Variants in GDAP1 observed in about 807,000 individuals in gnomAD.
GDAP1 encodes the protein ganglioside induced differentiation associated protein 1, also known as ganglioside-induced differentiation-associated protein 1.
A neutral mutation model predicts 40.1 loss-of-function variants in GDAP1; 34 were observed. That is an observed-to-expected ratio of 0.85 (90% CI 0.64 to 1.13). The LOEUF is 1.13. Ranked by LOEUF, GDAP1 falls within the 50% of genes most tolerant of loss-of-function variation. GDAP1 has a pLI of 0.00. For synonymous variants in GDAP1, 170 were observed against 157.4 expected, an observed-to-expected ratio of 1.08 and a Z score of -0.60; for missense variants, 374 against 433.7, an observed-to-expected ratio of 0.86 and a Z score of 1.22.
chr8:74,360,245 G>T lies in GDAP1; in HGVS notation c.419G>T (p.Cys140Phe), dbSNP rs1375032292. The change falls in exon 3 of 6, where the codon TGC becomes TTC. Residue 140 changes from cysteine (C) to phenylalanine (F), a missense_variant. Cys to Phe is a radical substitution (Grantham distance 205). Transcript: ENST00000220822. ...SLPMDAYTHG[C>F]ILHPELTVDS... Reference sequence around the variant, plus strand: ...CCAATGGATGCCTATACACATGGCTGCATTTTACATCCTGAGTTAACTGTG... The same window carrying T: ...CCAATGGATGCCTATACACATGGCTTCATTTTACATCCTGAGTTAACTGTG... The T allele has an allele frequency of 2.5e-6, 4 of 1,613,402 alleles. No individual in the cohort carries two copies. Among genetic ancestry groups the T allele is most frequent in the Non-Finnish European group, 3.4e-6 (4 of 1,179,468 alleles).
At chr8:74,434,049 C>A (rs1806059315) in intron 2 of GDAP1, among the ~76,000 whole-genome samples, 1 of 152,204 alleles carries the variant, frequency 6.6e-6, no homozygotes, top group South Asian at 2.1e-4. Flanking sequence ...CCTTTGCCTA[C>A]AGTAAACATG....
chr8:74,391,773 T>C (rs1257501525), intron 2 of GDAP1, among the ~76,000 whole-genome samples: 1 of 152,116 alleles, frequency 6.6e-6, no homozygotes, highest in Non-Finnish European at 1.5e-5. Flanking sequence ...TATATAAAGG[T>C]ACATCTGTTA....
intron 2 of GDAP1, among the ~76,000 whole-genome samples, chr8:74,356,564 C>G (rs944430688): frequency 2.6e-5 from 4 of 151,296 alleles, no homozygotes; most frequent in African/African-American, 9.7e-5. Flanking sequence ...TTTGCTCTTT[C>G]TAGTTCAAGA....
Position 74,462,891 on chromosome 8 carries a change from A to G in GDAP1, c.166-25787A>G, listed in dbSNP as rs146218057. ...GACAAGGACGTAAGTTGAAATCAAT[A>G]CAAATACAAAACCTGATGAATTGTT... On this transcript the variant is annotated intron_variant, in intron 2 of 2. Transcript: ENST00000523640. Among the ~76,000 whole-genome samples the G allele has an allele frequency of 4.4e-3, 664 of 151,816 alleles. 4 individuals carry two copies. Among genetic ancestry groups the G allele is most frequent in the African/African-American group, 0.014 (581 of 41,390 alleles).
At chr8:74,401,150 T>C (rs1356016796) in intron 2 of GDAP1, among the ~76,000 whole-genome samples, 1 of 149,248 alleles carries the variant, frequency 6.7e-6, no homozygotes, top group Non-Finnish European at 1.5e-5. Context: ...CAGAGTGTTT[T>C]CCAACTTGGT....
intron 2 of GDAP1, among the ~76,000 whole-genome samples, chr8:74,398,969 T>A (rs1323462967): frequency 4.6e-5 from 7 of 152,256 alleles, no homozygotes; most frequent in South Asian, 2.1e-4. Flanking sequence ...TATTGAGGAT[T>A]TTTGCATCAA....
chr8:74,433,377 A>G (rs1341825977), intron 2 of GDAP1, among the ~76,000 whole-genome samples: 1 of 152,218 alleles, frequency 6.6e-6, no homozygotes, highest in African/African-American at 2.4e-5. Flanking sequence ...GTTTAATACT[A>G]CATTTCCATG....
intron 2 of GDAP1, among the ~76,000 whole-genome samples, chr8:74,444,197 C>CTGTGGTG (rs1806201292): frequency 1.1e-3 from 1 of 946 alleles, no homozygotes; most frequent in Non-Finnish European, 2.8e-3. Flanking sequence ...CAAATGCACA[C>CTGTGGTG]ACACACACAC....
chr8:74,359,017 G>A lies in GDAP1; in HGVS notation c.311-1120G>A, dbSNP rs1809230493. On this transcript the variant is annotated intron_variant, in intron 2 of 5. Coordinates refer to ENST00000220822, the MANE Select transcript of GDAP1 (RefSeq NM_018972.4). The stretch of plus-strand genomic sequence containing the variant: ...TTTTAGGGACAGTTTGACAGCCAGA[G>A]ATAGGAAGAGATTCTGAAGGGACAT... Among the ~76,000 whole-genome samples the A allele has an allele frequency of 2.6e-5, 4 of 152,306 alleles. No individual in the cohort carries two copies. In the South Asian group the frequency reaches 8.3e-4, roughly 32 times the overall value.
In GDAP1 at chr8:74,351,328, C is replaced by T. The variant is rs780816894; in HGVS notation, c.172C>T (p.Leu58=). The change falls in exon 2 of 6, where the codon CTG becomes TTG. Residue 58 remains leucine, a synonymous_variant. Coordinates refer to ENST00000220822, the MANE Select transcript of GDAP1 (RefSeq NM_018972.4). ...ALKCEEHDVS[L]PLSEHNEPWF... ...GAAGTGCGAGGAACATGATGTAAGT[C>T]TGCCCTTGAGTGAGCACAATGAGCC... is the stretch of plus-strand genomic sequence containing the variant. 3.1e-6 allele frequency: 5 copies of T among 1,614,120 alleles called. No homozygotes were observed. The South Asian group carries it at 4.4e-5, about 14-fold the overall frequency.
intron 2 of GDAP1, among the ~76,000 whole-genome samples, chr8:74,425,792 G>A (rs567246373): frequency 5.3e-5 from 8 of 152,188 alleles, no homozygotes; most frequent in Non-Finnish European, 8.8e-5. Flanking sequence ...TGATGGTGAA[G>A]CCTGTAGGTA....
rs1443360585 is a variant in GDAP1, at chr8:74,362,978, A to G, written c.619A>G (p.Lys207Glu). Residue 207 changes from lysine (K) to glutamate (E), a missense_variant, in exon 5 of 6, where the codon AAA becomes GAA. By Grantham distance (56) the Lys-to-Glu change is moderately conservative. Transcript: ENST00000220822. ...LDHDNVKYLK[K>E]ILDELEKVLD... Reference sequence around the variant, plus strand: ...TCATGACAATGTCAAGTATTTGAAGAAAATTCTTGATGAGTTGGAGAAAGT... The same window carrying G: ...TCATGACAATGTCAAGTATTTGAAGGAAATTCTTGATGAGTTGGAGAAAGT... 6.3e-6 allele frequency: 10 copies of G among 1,589,422 alleles called. No individual in the cohort carries two copies. The highest frequency in any genetic ancestry group is 8.6e-6 in the Non-Finnish European group (10 of 1,157,786).
chr8:74,460,691 T>G (rs1267508203), intron 2 of GDAP1, among the ~76,000 whole-genome samples: 1 of 151,890 alleles, frequency 6.6e-6, no homozygotes, highest in African/African-American at 2.4e-5. Flanking sequence ...CAGGAAGAAA[T>G]GAGCTATGGA....
intron 2 of GDAP1, among the ~76,000 whole-genome samples, chr8:74,457,740 T>A (rs1018439555): frequency 1.3e-5 from 2 of 152,060 alleles, no homozygotes; most frequent in Non-Finnish European, 2.9e-5. Flanking sequence ...TAGAGAAAAT[T>A]TCAGCTACTT....
In GDAP1 at chr8:74,351,647, A is replaced by G. The variant is rs1340911386; in HGVS notation, c.310+181A>G. ...CAAATAGGTCAATAACAAATTTTGT[A>G]TAGGCTAGTGTAATGCTATTTAAAA... On this transcript the variant is annotated intron_variant, in intron 2 of 5. Coordinates refer to ENST00000220822, the MANE Select transcript of GDAP1 (RefSeq NM_018972.4). Among the ~76,000 whole-genome samples, 6 of 152,344 alleles carry G rather than the reference A, an allele frequency of 3.9e-5. No individual in the cohort carries two copies. The East Asian group carries it at 5.8e-4, about 15-fold the overall frequency.
chr8:74,486,596 C>G (rs1806779181), intron 2 of GDAP1, among the ~76,000 whole-genome samples: 2 of 152,164 alleles, frequency 1.3e-5, no homozygotes, highest in African/African-American at 4.8e-5. Flanking sequence ...ACGTACTGTT[C>G]TTCTTGAGGC....
chr8:74,429,414 A>G (rs1805998797), intron 2 of GDAP1, among the ~76,000 whole-genome samples: 1 of 152,278 alleles, frequency 6.6e-6, no homozygotes, highest in Admixed American at 6.5e-5. Flanking sequence ...ATGTAATATT[A>G]TTAATTTGTT....
intron 2 of GDAP1, among the ~76,000 whole-genome samples, chr8:74,469,229 TC>T (rs1586844409): frequency 6.6e-6 from 1 of 152,188 alleles, no homozygotes. Context: ...TAGTTTTTTT[TC>T]CTCTAATGTC....
rs1459586028 is a variant in GDAP1 at position 74,452,851 on chromosome 8, C to A, written c.166-35827C>A. ...ATATCTTGTAATTTTTTATTGTGTTCTTGGCATTATTTATGATATGTTATA... is the reference window on the plus strand; with the variant it reads ...ATATCTTGTAATTTTTTATTGTGTTATTGGCATTATTTATGATATGTTATA... On this transcript the variant is annotated intron_variant, in intron 2 of 2. Transcript: ENST00000523640. Among the ~76,000 whole-genome samples the A allele has an allele frequency of 4.8e-5, 4 of 82,580 alleles. 2 individuals are homozygous for A. The highest frequency in any genetic ancestry group is 9.8e-5 in the Non-Finnish European group (4 of 40,856). 54.2% of individuals were successfully genotyped at this position (82,580 alleles called of 152,430 possible).
Sources: allele counts gnomAD v4.1 joint callset (sites outside exome capture counted in the v4.1 genomes callset), GRCh38; gene constraint gnomAD v4.1.1; transcripts MANE v1.5; gene names NCBI Gene and HGNC (gene_info 2026-07-23, HGNC 2026-07-21).